The following IDE variants were observed in gnomAD, a reference collection of about 807,000 sequenced individuals.
IDE encodes the protein insulin-degrading enzyme.
Under a neutral mutation model 133.2 loss-of-function variants are expected in IDE, and 58 were observed. The ratio of observed to expected loss-of-function variants is 0.44; its 90% CI spans 0.35 to 0.54. The LOEUF (loss-of-function observed/expected upper bound fraction) is 0.54. Among genes scored for constraint, IDE ranks in the 20% least tolerant of loss-of-function variants. The pLI is 0.00. For synonymous variants in IDE, 396 were observed against 421.3 expected, an observed-to-expected ratio of 0.94 and a Z score of 0.73; for missense variants, 981 against 1,234.0, an observed-to-expected ratio of 0.79 and a Z score of 3.07.
rs370719570 is a variant in IDE, at chr10:92,534,800, A to G, written c.284-15T>C. On this transcript the variant is annotated splice_polypyrimidine_tract_variant and intron_variant, in intron 2 of 24. Coordinates refer to ENST00000265986, the MANE Select transcript of IDE (RefSeq NM_004969.4). ...CGACAATGAACCTGAAAGAGAAAAC[A>G]CGTATATAATAAATCATTGTCCTAT... 28 of 1,589,902 alleles carry G rather than the reference A, an allele frequency of 1.8e-5. No homozygotes were observed. Among genetic ancestry groups the G allele is most frequent in the Non-Finnish European group, 2.4e-5 (28 of 1,160,662 alleles).
chr10:92,561,175 C>T (rs1163551380), intron 1 of IDE, among the ~76,000 whole-genome samples: 1 of 150,366 alleles, frequency 6.7e-6, no homozygotes, highest in African/African-American at 2.4e-5. Flanking sequence ...AGAATCACTT[C>T]AACCTGGGAG....
chr10:92,488,932 TAAAA>T (rs56377277), intron 12 of IDE, among the ~76,000 whole-genome samples: 1 of 78,986 alleles, frequency 1.3e-5, no homozygotes, highest in African/African-American at 5.6e-5. Flanking sequence ...TTTCATTATT[TAAAA>T]AAAAAAAAAA....
rs910820927 is a variant in IDE, at chr10:92,490,557, T to C, written c.1469A>G (p.Asp490Gly). 6.2e-7 allele frequency: 1 copy of C among 1,613,074 alleles called. No individual in the cohort carries two copies. The highest frequency in any genetic ancestry group is 1.3e-5 in the African/African-American group (1 of 74,902). Residue 490 changes from aspartate (D) to glycine (G), a missense_variant, in exon 12 of 25, where the codon GAT becomes GGT. Coordinates refer to ENST00000265986, the MANE Select transcript of IDE (RefSeq NM_004969.4). ...GGTTCCATACCACTCTTCTGTGCGATCAGTTTTTCCTTCAAAAGATTTAGA... is the reference window on the plus strand; with the variant it reads ...GGTTCCATACCACTCTTCTGTGCGACCAGTTTTTCCTTCAAAAGATTTAGA... ...IVSKSFEGKT[D>G]RTEEWYGTQY...
chr10:92,461,056 G>A (rs1287980653), intron 22 of IDE, 135 bp downstream of exon 22: 1 of 532,208 alleles, frequency 1.9e-6, no homozygotes, highest in South Asian at 2.1e-5. Flanking sequence ...GGCCAGGCTG[G>A]TCTTTAACTC....
chr10:92,556,651 G>C (rs907438131), intron 1 of IDE, among the ~76,000 whole-genome samples: 1 of 152,216 alleles, frequency 6.6e-6, no homozygotes, highest in East Asian at 1.9e-4. Context: ...CCAGCTACTC[G>C]GGAGGCTGAG....
At chr10:92,573,467 C>G (rs1322243296) in intron 1 of IDE, among the ~76,000 whole-genome samples, 2 of 152,218 alleles carry the variant, frequency 1.3e-5, no homozygotes, top group Non-Finnish European at 2.9e-5. Flanking sequence ...GAGAAAAGGG[C>G]AGGGCTGAGG....
Position 92,565,800 on chromosome 10 carries a change from ATTCT to A in IDE, c.98+8118_98+8121del, listed in dbSNP as rs1195973244. Among the ~76,000 whole-genome samples the A allele has an allele frequency of 7.9e-5, 12 of 152,226 alleles. No individual in the cohort carries two copies. In the South Asian group the frequency reaches 2.1e-3, roughly 26 times the overall value. On this transcript the variant is annotated intron_variant, in intron 1 of 24. Coordinates refer to ENST00000265986, the MANE Select transcript of IDE (RefSeq NM_004969.4). ...CTCAATATCATCAACTACCATGTAT[ATTCT>A]TTCTAAAAAATCTCCCTGTTTTAAC... is the stretch of plus-strand genomic sequence containing the variant.
At chr10:92,494,611 CAT>C (rs1847579617) in intron 11 of IDE, among the ~76,000 whole-genome samples, 2 of 152,120 alleles carry the variant, frequency 1.3e-5, no homozygotes, top group Non-Finnish European at 2.9e-5. Context: ...AAAAATGAAA[CAT>C]GAGAAAACAC....
At chr10:92,520,208 T>C (rs1382425640) in intron 4 of IDE, among the ~76,000 whole-genome samples, 1 of 152,206 alleles carries the variant, frequency 6.6e-6, no homozygotes, top group Non-Finnish European at 1.5e-5. Flanking sequence ...AATGTAATAA[T>C]GGATGCGAAG....
rs372419816 is a variant in IDE, at chr10:92,521,058, A to G, written c.662-6016T>C. On this transcript the variant is annotated intron_variant, in intron 4 of 24. Coordinates refer to ENST00000265986, the MANE Select transcript of IDE (RefSeq NM_004969.4). ...ATTGGTAAATAAATGGAATGGAATA[A>G]AAGCATTTATCCTGCCTTTCCCACA... Among the ~76,000 whole-genome samples, 2 of 152,218 alleles carry G rather than the reference A, an allele frequency of 1.3e-5. 1 individual carries two copies. The highest frequency in any genetic ancestry group is 3.8e-4 in the East Asian group (2 of 5,202).
At chr10:92,462,646 G>A (rs1845457616) in intron 21 of IDE, among the ~76,000 whole-genome samples, 1 of 152,032 alleles carries the variant, frequency 6.6e-6, no homozygotes, top group South Asian at 2.1e-4. Context: ...CAATGGGTAA[G>A]AGCCTTGGCT....
chr10:92,501,583 T>C (rs891840372), intron 11 of IDE, among the ~76,000 whole-genome samples: 27 of 150,764 alleles, frequency 1.8e-4, no homozygotes, highest in Admixed American at 5.3e-4. Context: ...GGCAGGAGAA[T>C]AGCTTGATCC....
intron 9 of IDE, 84 bp downstream of exon 9, chr10:92,507,491 T>C (rs1848357937): frequency 7.6e-6 from 6 of 787,588 alleles, no homozygotes; most frequent in Admixed American, 5.9e-5. Flanking sequence ...AAAGTTTAAC[T>C]GGGCCTTAAA....
intron 1 of IDE, among the ~76,000 whole-genome samples, chr10:92,571,766 A>C (rs552808793): frequency 6.6e-6 from 1 of 152,388 alleles, no homozygotes; most frequent in South Asian, 2.1e-4. Context: ...TTGCAAATAC[A>C]TAACAGTTAA....
chr10:92,492,790 T>C (rs1018320202), intron 11 of IDE, among the ~76,000 whole-genome samples: 2 of 152,200 alleles, frequency 1.3e-5, no homozygotes, highest in African/African-American at 4.8e-5. Context: ...TCCAAATACC[T>C]GCCCCTTGTT....
At chr10:92,567,498 A>G (rs1032299223) in intron 1 of IDE, among the ~76,000 whole-genome samples, 22 of 152,160 alleles carry the variant, frequency 1.4e-4, no homozygotes, top group Admixed American at 1.3e-3. Context: ...CCTGCGTTTC[A>G]AACAGTGCTT....
rs1844781814 is a variant in IDE, at chr10:92,452,327, A to G, written c.*2117T>C. ...CTGTGTCACATGCTCCCTCTTTCAC[A>G]TCAACTGGTCAAAAAAGAAGACTTT... On this transcript the variant is annotated 3_prime_UTR_variant, in exon 25 of 25. Coordinates refer to ENST00000265986, the MANE Select transcript of IDE (RefSeq NM_004969.4). The G allele has an allele frequency of 6.6e-6, 1 of 152,206 alleles. No homozygotes were observed. The highest frequency in any genetic ancestry group is 1.5e-5 in the Non-Finnish European group (1 of 68,038). 9.4% of individuals were successfully genotyped at this position (152,206 alleles called of 1,614,324 possible). A position where few individuals can be genotyped will look rare whatever the true frequency, so the allele number is the denominator to read the frequency against.
intron 1 of IDE, among the ~76,000 whole-genome samples, chr10:92,544,853 G>A (rs1259312514): frequency 6.6e-6 from 1 of 152,118 alleles, no homozygotes; most frequent in Non-Finnish European, 1.5e-5. Flanking sequence ...CAGGTTTAAA[G>A]CAAGAGAGTA....
At chr10:92,484,341 C>T (rs961216140) in intron 13 of IDE, among the ~76,000 whole-genome samples, 1 of 152,020 alleles carries the variant, frequency 6.6e-6, no homozygotes, top group Non-Finnish European at 1.5e-5. Flanking sequence ...AACCAGGACT[C>T]GGGAGGCAGA....
Sources: allele counts gnomAD v4.1 joint callset (sites outside exome capture counted in the v4.1 genomes callset), GRCh38; gene constraint gnomAD v4.1.1; transcripts MANE v1.5; gene names NCBI Gene and HGNC (gene_info 2026-07-23, HGNC 2026-07-21).